The following VAV3 variants were observed in gnomAD, a reference collection of about 807,000 sequenced individuals.
VAV3 encodes the protein guanine nucleotide exchange factor VAV3.
VAV3 carries 94 observed loss-of-function variants against 131.2 expected under a neutral mutation model. The observed-to-expected ratio is 0.72, with a 90% CI of 0.61 to 0.85. The LOEUF (loss-of-function observed/expected upper bound fraction) is 0.85. Among genes scored for constraint, VAV3 ranks in the 40% least tolerant of loss-of-function variants. The pLI is 0.00. For missense variants in VAV3, 939 were observed against 1,002.7 expected, an observed-to-expected ratio of 0.94 and a Z score of 0.86; for synonymous variants, 349 against 342.0, an observed-to-expected ratio of 1.02 and a Z score of -0.22.
intron 1 of VAV3, among the ~76,000 whole-genome samples, chr1:107,880,651 C>T (rs1670721663): frequency 6.6e-6 from 1 of 151,878 alleles, no homozygotes; most frequent in African/African-American, 2.4e-5. Context: ...CAAAGATTAG[C>T]TGGCTGTGGT....
Position 107,874,974 on chromosome 1 carries a change from C to A in VAV3, c.248G>T (p.Cys83Phe), listed in dbSNP as rs913037317. The change falls in exon 2 of 27, where the codon TGT (cysteine) becomes TTT (phenylalanine). Residue 83 changes from cysteine to phenylalanine, a missense_variant. Cys to Phe is a radical substitution (Grantham distance 205, BLOSUM62 -2). Coordinates refer to ENST00000370056, the MANE Select transcript of VAV3 (RefSeq NM_006113.5). The stretch of plus-strand genomic sequence containing the variant: ...ACTTTTCCTCATTCCAAACGTCTCA[C>A]AACAGGCCGTGAGAAATGTCCTTAT... ...KNIRTFLTACCETFGMRKSEL... is the reference protein window; with the variant it reads ...KNIRTFLTACFETFGMRKSEL... 2.0e-5 allele frequency: 32 copies of A among 1,613,254 alleles called. No homozygotes were observed. Among genetic ancestry groups the A allele is most frequent in the Non-Finnish European group, 2.6e-5 (31 of 1,179,562 alleles).
At position 107,905,227 on chromosome 1, in the gene VAV3, C is replaced by T. The variant is rs1026175254; in HGVS notation, c.205-30210G>A. Among the ~76,000 whole-genome samples, 4 of 152,178 alleles carry T rather than the reference C, an allele frequency of 2.6e-5. No homozygotes were observed. The East Asian group carries it at 5.8e-4, about 22-fold the overall frequency. ...TCAGCCTTACCTAGAATTCCTGCTC[C>T]TCCATACTTGCCTTAGGTTGCCCTT... On this transcript the variant is annotated intron_variant, in intron 1 of 26. Coordinates refer to ENST00000370056, the MANE Select transcript of VAV3 (RefSeq NM_006113.5).
intron 19 of VAV3, among the ~76,000 whole-genome samples, chr1:107,653,896 G>A (rs1472452736): frequency 6.6e-6 from 1 of 152,000 alleles, no homozygotes; most frequent in South Asian, 2.1e-4. Context: ...CTTCTTAACA[G>A]TGTCTATAAT....
At chr1:107,938,171 G>A (rs1335362731) in intron 1 of VAV3, among the ~76,000 whole-genome samples, 2 of 152,106 alleles carry the variant, frequency 1.3e-5, no homozygotes, top group Non-Finnish European at 2.9e-5. Flanking sequence ...GGAAGGGTAA[G>A]AATGAAAATG....
rs747122607 is a variant in VAV3 at position 107,749,500 on chromosome 1, T to A, written c.1354A>T (p.Ile452Leu). 1.2e-6 allele frequency: 2 copies of A among 1,611,548 alleles called. No individual in the cohort carries two copies. Among genetic ancestry groups the A allele is most frequent in the Non-Finnish European group, 1.7e-6 (2 of 1,179,306 alleles). Residue 452 changes from isoleucine (I) to leucine (L), a missense_variant, in exon 14 of 27, where the codon ATA becomes TTA. Coordinates refer to ENST00000370056, the MANE Select transcript of VAV3 (RefSeq NM_006113.5). ...KEIIDLQQYK[I>L]ANNPTTDKEN... is the part of the protein sequence containing the mutation. ...TTATCGGTTGTAGGATTATTGGCTA[T>A]CTTGTACTGCTGAAGATCTATTATT...
rs144190530 is a variant in VAV3, at chr1:107,920,930, T to C, written c.204+43736A>G. On this transcript the variant is annotated intron_variant, in intron 1 of 26. Coordinates refer to ENST00000370056, the MANE Select transcript of VAV3 (RefSeq NM_006113.5). Reference sequence around the variant, plus strand: ...CTCTTCACATCTCACATGTGTTATATACAAAATAAGCAAATAGCATAAAAT... The same window carrying C: ...CTCTTCACATCTCACATGTGTTATACACAAAATAAGCAAATAGCATAAAAT... 4.5e-4 allele frequency among the ~76,000 whole-genome samples: 68 copies of C among 152,342 alleles called. 1 individual carries two copies. In the Middle Eastern group the frequency reaches 0.017, roughly 38 times the overall value.
At chr1:107,917,025 G>T (rs1439013417) in intron 1 of VAV3, among the ~76,000 whole-genome samples, 2 of 152,120 alleles carry the variant, frequency 1.3e-5, no homozygotes, top group Non-Finnish European at 2.9e-5. Context: ...TGTTGGTGAC[G>T]ATCAGATTGT....
At chr1:107,948,445 G>A (rs529323069) in intron 1 of VAV3, among the ~76,000 whole-genome samples, 1 of 152,198 alleles carries the variant, frequency 6.6e-6, no homozygotes, top group African/African-American at 2.4e-5. Context: ...TCAAACCATT[G>A]TATACATATC....
chr1:107,633,274 T>C (rs918025997), intron 20 of VAV3, among the ~76,000 whole-genome samples: 1 of 152,112 alleles, frequency 6.6e-6, no homozygotes, highest in African/African-American at 2.4e-5. Flanking sequence ...GTTAGAAAAA[T>C]ATGAATTCCA....
chr1:107,590,266 A>C (rs1650844628), intron 25 of VAV3, among the ~76,000 whole-genome samples: 2 of 152,206 alleles, frequency 1.3e-5, no homozygotes, highest in Non-Finnish European at 2.9e-5. Context: ...ATGCTTTTCC[A>C]GTTTCAACTT....
At chr1:107,591,206 AC>A (rs1485955770) in intron 25 of VAV3, among the ~76,000 whole-genome samples, 1 of 152,092 alleles carries the variant, frequency 6.6e-6, no homozygotes, top group Non-Finnish European at 1.5e-5. Flanking sequence ...CCCTTCTCTG[AC>A]CCTGAAGGCT....
At chr1:107,884,856 A>G (rs1180403329) in intron 1 of VAV3, among the ~76,000 whole-genome samples, 1 of 152,184 alleles carries the variant, frequency 6.6e-6, no homozygotes, top group African/African-American at 2.4e-5. Context: ...CATGGAAAAT[A>G]AGCATTTCTT....
chr1:107,664,551 C>T (rs1430917075), intron 19 of VAV3, among the ~76,000 whole-genome samples: 2 of 152,146 alleles, frequency 1.3e-5, no homozygotes, highest in Non-Finnish European at 1.5e-5. Context: ...ACCAGTGTTC[C>T]CTTTTATAAA....
chr1:107,767,951 AGTAGG>A (rs1229814095), intron 7 of VAV3, among the ~76,000 whole-genome samples: 1 of 152,234 alleles, frequency 6.6e-6, no homozygotes, highest in African/African-American at 2.4e-5. Context: ...ATCATAAGGA[AGTAGG>A]GTATTTCATA....
chr1:107,852,192 T>C (rs1282548362), intron 2 of VAV3, among the ~76,000 whole-genome samples: 1 of 152,174 alleles, frequency 6.6e-6, no homozygotes, highest in Non-Finnish European at 1.5e-5. Context: ...TGGGACTATA[T>C]ATTTTTCCCT....
At chr1:107,760,371 A>T (rs1664343169) in intron 10 of VAV3, among the ~76,000 whole-genome samples, 2 of 152,204 alleles carry the variant, frequency 1.3e-5, no homozygotes, top group Non-Finnish European at 2.9e-5. Flanking sequence ...AGCAATATGG[A>T]ATGTCACACA....
At position 107,843,127 on chromosome 1, in the gene VAV3, T is replaced by G. The variant is rs114292453; in HGVS notation, c.321+31774A>C. 7.9e-3 allele frequency among the ~76,000 whole-genome samples: 1,198 copies of G among 152,064 alleles called. 14 individuals carry two copies. Among genetic ancestry groups the G allele is most frequent in the African/African-American group, 0.017 (694 of 41,456 alleles). ...TTATCGTGAAACCTATGAGTCAAAT[T>G]CTCCACATTATGCTCAACCTAAGGC... On this transcript the variant is annotated intron_variant, in intron 2 of 26. Coordinates refer to ENST00000370056, the MANE Select transcript of VAV3 (RefSeq NM_006113.5).
chr1:107,647,519 G>C (rs369854905), intron 19 of VAV3, among the ~76,000 whole-genome samples: 3 of 151,914 alleles, frequency 2.0e-5, no homozygotes, highest in East Asian at 3.9e-4. Flanking sequence ...TGAACTCTGA[G>C]ATAACAATAC....
intron 17 of VAV3, among the ~76,000 whole-genome samples, chr1:107,698,223 G>A (rs889721331): frequency 5.9e-5 from 9 of 152,152 alleles, no homozygotes; most frequent in Non-Finnish European, 8.8e-5. Context: ...CTTTACAACG[G>A]TATGAAAGTC....
Sources: allele counts gnomAD v4.1 joint callset (sites outside exome capture counted in the v4.1 genomes callset), GRCh38; gene constraint gnomAD v4.1.1; transcripts MANE v1.5; gene names NCBI Gene and HGNC (gene_info 2026-07-23, HGNC 2026-07-21).